The following LHX5 variants were observed in gnomAD, a reference collection of about 807,000 sequenced individuals.
LHX5 encodes LIM/homeobox protein Lhx5.
LHX5 carries 5 observed loss-of-function variants against 30.6 expected under a neutral mutation model. The observed-to-expected ratio is 0.16, with a 90% confidence interval of 0.09 to 0.34. LHX5 has a LOEUF of 0.34. Ranked by LOEUF, LHX5 falls within the 10% of genes least tolerant of loss-of-function variation. The pLI is 1.00. For missense variants in LHX5, 458 were observed against 570.6 expected (o/e 0.80, Z 2.01); for synonymous variants, 266 against 252.6 (o/e 1.05, Z -0.50).
rs1194507520 is a variant in LHX5, at chr12:113,463,433, C to T, written c.966G>A (p.Pro322=). The change falls in exon 5 of 5, where the codon CCG becomes CCA. Residue 322 remains proline, a synonymous_variant. Coordinates refer to ENST00000261731, the MANE Select transcript of LHX5 (RefSeq NM_022363.3). The surrounding 1 kb of genome is among the most constrained non-coding windows in gnomAD (Gnocchi z 6.7). ...CGAGCGGCGGTTCCAGCGCTCCCAGCGGCGTCGAGCCGGGGCCAGAGGCCG... is the reference window on the plus strand; with the variant it reads ...CGAGCGGCGGTTCCAGCGCTCCCAGTGGCGTCGAGCCGGGGCCAGAGGCCG... ...FLAASGPGST[P]LGALEPPLAG... The T allele has an allele frequency of 1.3e-6, 2 of 1,553,230 alleles. No individual in the cohort carries two copies. The highest frequency in any genetic ancestry group is 2.7e-5 in the African/African-American group (2 of 73,180).
chr12:113,463,241 G>A lies in LHX5; in HGVS notation c.1158C>T (p.Ser386=), dbSNP rs2136975398. 2 of 1,526,500 alleles carry A rather than the reference G, an allele frequency of 1.3e-6. No homozygotes were observed. The highest frequency in any genetic ancestry group is 1.4e-5 in the African/African-American group (1 of 70,326). The allele number at this position is 1,526,500 out of a possible 1,614,324, so 94.6% of individuals were successfully genotyped here. Residue 386 remains serine (S), a synonymous_variant, in exon 5 of 5, where the codon AGC becomes AGT. Coordinates refer to ENST00000261731, the MANE Select transcript of LHX5 (RefSeq NM_022363.3). The surrounding 1 kb of genome is among the most constrained non-coding windows in gnomAD (Gnocchi z 6.7). ...CGGGGTTGGGATGCGACAGGGGTCC[G>A]CTGTAGCCGCTGGTGCCGCTCATTG... ...PFPMSGTSGY[S]GPLSHPNPEL...
chr12:113,463,243 T>G lies in LHX5; in HGVS notation c.1156A>C (p.Ser386Arg). 6.6e-7 allele frequency: 1 copy of G among 1,526,264 alleles called. No individual in the cohort carries two copies. The highest frequency in any genetic ancestry group is 1.4e-5 in the African/African-American group (1 of 70,010). 94.5% of individuals were successfully genotyped at this position (1,526,264 alleles called of 1,614,324 possible). A position where few individuals can be genotyped will look rare whatever the true frequency, so the allele number is the denominator to read the frequency against. ...GGGTTGGGATGCGACAGGGGTCCGC[T>G]GTAGCCGCTGGTGCCGCTCATTGGG... ...PFPMSGTSGYSGPLSHPNPEL... is the reference protein window; with the variant it reads ...PFPMSGTSGYRGPLSHPNPEL... Residue 386 changes from serine to arginine, a missense_variant, in exon 5 of 5, where the codon AGC becomes CGC. Ser to Arg is a moderately radical substitution (Grantham distance 110). Transcript: ENST00000261731. The surrounding 1 kb of genome is among the most constrained non-coding windows in gnomAD (Gnocchi z 6.7).
rs1958183941 is a variant in LHX5, at chr12:113,462,946, C to T, written c.*244G>A. On this transcript the variant is annotated 3_prime_UTR_variant, in exon 5 of 5. Coordinates refer to ENST00000261731, the MANE Select transcript of LHX5 (RefSeq NM_022363.3). ...TTGACTTTGGTCCCAAGAAATTGCTCGCGGTTGCTGGGAGAGTACTGGCGG... is the reference window on the plus strand; with the variant it reads ...TTGACTTTGGTCCCAAGAAATTGCTTGCGGTTGCTGGGAGAGTACTGGCGG... 6.9e-6 allele frequency: 3 copies of T among 436,356 alleles called. No homozygotes were observed. The South Asian group carries it at 9.3e-5, about 14-fold the overall frequency. 27.0% of individuals were successfully genotyped at this position (436,356 alleles called of 1,614,324 possible).
chr12:113,468,794 T>C (rs1242445605), intron 2 of LHX5, among the ~76,000 whole-genome samples: 1 of 152,148 alleles, frequency 6.6e-6, no homozygotes, highest in Non-Finnish European at 1.5e-5. Flanking sequence ...GTCCTTCCAG[T>C]GCATCAAGAA....
At position 113,471,609 on chromosome 12, in the gene LHX5, C is replaced by A. The variant is rs765114312; in HGVS notation, c.-111G>T. On this transcript the variant is annotated 5_prime_UTR_variant, in exon 1 of 5. Transcript: ENST00000261731. ...GCCTCTTGTCTCAGCAGCTGCAGGGCGAGTCTGGTCCGGACCAAGACTCAG... is the reference window on the plus strand; with the variant it reads ...GCCTCTTGTCTCAGCAGCTGCAGGGAGAGTCTGGTCCGGACCAAGACTCAG... 1.0e-5 allele frequency: 11 copies of A among 1,070,656 alleles called. 1 individual carries two copies. Among genetic ancestry groups the A allele is most frequent in the South Asian group, 4.8e-5 (3 of 62,188 alleles). The allele number at this position is 1,070,656 out of a possible 1,614,324, so 66.3% of individuals were successfully genotyped here.
chr12:113,463,300 C>T lies in LHX5; in HGVS notation c.1099G>A (p.Glu367Lys), dbSNP rs774069560. Residue 367 changes from glutamate to lysine, a missense_variant, in exon 5 of 5, where the codon GAG becomes AAG. By Grantham distance (56) the Glu-to-Lys change is moderately conservative. Transcript: ENST00000261731. This position sits in a 1 kb window ranked among gnomAD's most constrained non-coding sequence, Gnocchi z 6.7. ...LPGTLHPMPG[E>K]VFSGGPSPPF... ...GGGCTGGGCCCGCCGCTGAATACCTCGCCGGGCATGGGGTGCAGCGTGCCC... is the reference window on the plus strand; with the variant it reads ...GGGCTGGGCCCGCCGCTGAATACCTTGCCGGGCATGGGGTGCAGCGTGCCC... The T allele has an allele frequency of 1.9e-5, 29 of 1,529,830 alleles. No homozygotes were observed. In the East Asian group the frequency reaches 7.0e-4, roughly 37 times the overall value. 94.8% of individuals were successfully genotyped at this position (1,529,830 alleles called of 1,614,324 possible). A position where few individuals can be genotyped will look rare whatever the true frequency, so the allele number is the denominator to read the frequency against.
At position 113,469,188 on chromosome 12, in the gene LHX5, T is replaced by C. The variant is rs754603002; in HGVS notation, c.331A>G (p.Asn111Asp). The C allele has an allele frequency of 2.5e-6, 4 of 1,614,238 alleles. No homozygotes were observed. Among genetic ancestry groups the C allele is most frequent in the Non-Finnish European group, 3.4e-6 (4 of 1,180,040 alleles). Reference protein sequence around the residue: ...TGEELYVIDENKFVCKDDYLS... With the variant: ...TGEELYVIDEDKFVCKDDYLS... ...TAGTCGTCTTTGCACACGAACTTGT[T>C]CTCGTCGATGACGTAGAGCTCCTCG... is the stretch of plus-strand genomic sequence containing the variant. The change falls in exon 2 of 5, where the codon AAC (asparagine) becomes GAC (aspartate). Residue 111 changes from asparagine to aspartate, a missense_variant. By Grantham distance (23) the Asn-to-Asp change is conservative. Transcript: ENST00000261731.
intron 1 of LHX5, 49 bp from the exon 2 acceptor site, chr12:113,469,394 C>G: frequency 6.4e-7 from 1 of 1,552,662 alleles, no homozygotes; most frequent in Non-Finnish European, 8.7e-7. Flanking sequence ...GCATCCAGCC[C>G]TCCCCAGCCC....
In LHX5 at chr12:113,466,724, C is replaced by T. The variant is rs568870686; in HGVS notation, c.841+532G>A. 7.9e-5 allele frequency among the ~76,000 whole-genome samples: 12 copies of T among 152,326 alleles called. No homozygotes were observed. The East Asian group carries it at 1.5e-3, about 20-fold the overall frequency. ...GGCGGCTTGGAATGAATCCAGACCC[C>T]CATCCCCTCCCCTCACACTACCCTC... On this transcript the variant is annotated intron_variant, in intron 4 of 4. Coordinates refer to ENST00000261731, the MANE Select transcript of LHX5 (RefSeq NM_022363.3). This position sits in a 1 kb window ranked among gnomAD's most constrained non-coding sequence, Gnocchi z 6.5.
rs1593329943 is a variant in LHX5, at chr12:113,471,839, A to C, written c.-341T>G. ...GGCGGAGGCGCCGGCACTTTCCCCC[A>C]CTTTCAAGCGGTCCGGATCCTCATC... On this transcript the variant is annotated 5_prime_UTR_variant, in exon 1 of 5. Transcript: ENST00000261731. The C allele has an allele frequency of 3.3e-6, 1 of 307,626 alleles. No individual in the cohort carries two copies. The highest frequency in any genetic ancestry group is 5.9e-6 in the Non-Finnish European group (1 of 168,214). The allele number at this position is 307,626 out of a possible 1,614,324, so 19.1% of individuals were successfully genotyped here. A position where few individuals can be genotyped will look rare whatever the true frequency, so the allele number is the denominator to read the frequency against.
intron 2 of LHX5, 69 bp downstream of exon 2, chr12:113,469,053 G>C: frequency 8.3e-7 from 1 of 1,200,032 alleles, no homozygotes; most frequent in South Asian, 1.5e-5. Context: ...GGCCAAGTAG[G>C]GAGTGCCAGG....
At position 113,463,546 on chromosome 12, in the gene LHX5, C is replaced by T; in HGVS notation, c.853G>A (p.Asp285Asn). The T allele has an allele frequency of 6.5e-7, 1 of 1,548,112 alleles. No individual in the cohort carries two copies. The change falls in exon 5 of 5, where the codon GAC becomes AAC. Residue 285 changes from aspartate (D) to asparagine (N), a missense_variant. Around this residue, in one of 3 missense-constraint regions of LHX5, gnomAD observed 255 missense variants for 246.8 expected, o/e 1.03. Coordinates refer to ENST00000261731, the MANE Select transcript of LHX5 (RefSeq NM_022363.3). The surrounding 1 kb of genome is among the most constrained non-coding windows in gnomAD (Gnocchi z 6.7). ...PYTYYGDYQG[D>N]YYAPGSNYDF... is the part of the protein sequence containing the mutation. Reference sequence around the variant, plus strand: ...TAGTTGCTTCCCGGCGCGTAGTAGTCGCCTTGGTAGTCTGCGGAGGGGGAG... The same window carrying T: ...TAGTTGCTTCCCGGCGCGTAGTAGTTGCCTTGGTAGTCTGCGGAGGGGGAG...
Position 113,464,522 on chromosome 12 carries a change from G to C in LHX5, c.842-965C>G, listed in dbSNP as rs1051874998. 7.2e-5 allele frequency among the ~76,000 whole-genome samples: 11 copies of C among 152,320 alleles called. No homozygotes were observed. The highest frequency in any genetic ancestry group is 2.6e-4 in the African/African-American group (11 of 41,574). On this transcript the variant is annotated intron_variant, in intron 4 of 4. Transcript: ENST00000261731. The surrounding 1 kb of genome is among the most constrained non-coding windows in gnomAD (Gnocchi z 6.2). ...ACGGCCGCCGCGTCGATCCCGGTGA[G>C]ACCATTTGTACCGGCCTAGCCTAGC...
At position 113,469,212 on chromosome 12, in the gene LHX5, C is replaced by T. The variant is rs746368764; in HGVS notation, c.307G>A (p.Glu103Lys). 1 of 1,614,252 alleles carries T rather than the reference C, an allele frequency of 6.2e-7. No individual in the cohort carries two copies. Among genetic ancestry groups the T allele is most frequent in the Non-Finnish European group, 8.5e-7 (1 of 1,180,044 alleles). ...TTCTCGTCGATGACGTAGAGCTCCT[C>T]GCCGGTGGACAGCTGCTTGTTACAC... ...MVCNKQLSTG[E>K]ELYVIDENKF... The change falls in exon 2 of 5, where the codon GAG becomes AAG. Residue 103 changes from glutamate (E) to lysine (K), a missense_variant. Coordinates refer to ENST00000261731, the MANE Select transcript of LHX5 (RefSeq NM_022363.3).
chr12:113,468,851 A>C (rs1156974126), intron 2 of LHX5, among the ~76,000 whole-genome samples: 1 of 152,206 alleles, frequency 6.6e-6, no homozygotes, highest in Non-Finnish European at 1.5e-5. Context: ...GTGCGCTTCC[A>C]AATTAGGGGA....
rs981267554 is a variant in LHX5, at chr12:113,465,661, C to T, written c.841+1595G>A. On this transcript the variant is annotated intron_variant, in intron 4 of 4. Transcript: ENST00000261731. This position sits in a 1 kb window ranked among gnomAD's most constrained non-coding sequence, Gnocchi z 6.7. ...GAGGAGGCGGTGGGATAGGTCGGGG[C>T]GGGGGCGAAGTGGTCCTCGGGGAAA... Among the ~76,000 whole-genome samples the T allele has an allele frequency of 6.6e-6, 1 of 152,152 alleles. No homozygotes were observed. Among genetic ancestry groups the T allele is most frequent in the African/African-American group, 2.4e-5 (1 of 41,452 alleles).
Position 113,464,438 on chromosome 12 carries a change from G to A in LHX5, c.842-881C>T, listed in dbSNP as rs1029066823. Among the ~76,000 whole-genome samples, 1 of 152,332 alleles carries A rather than the reference G, an allele frequency of 6.6e-6. No individual in the cohort carries two copies. Among genetic ancestry groups the A allele is most frequent in the South Asian group, 2.1e-4 (1 of 4,830 alleles). On this transcript the variant is annotated intron_variant, in intron 4 of 4. Coordinates refer to ENST00000261731, the MANE Select transcript of LHX5 (RefSeq NM_022363.3). The surrounding 1 kb of genome is among the most constrained non-coding windows in gnomAD (Gnocchi z 6.2). Reference sequence around the variant, plus strand: ...TTGGGCCGGGCGGGGCGGCCTTGGCGCCCTAAACTCGGTCCCTGCGCCCTA... The same window carrying A: ...TTGGGCCGGGCGGGGCGGCCTTGGCACCCTAAACTCGGTCCCTGCGCCCTA...
In LHX5 at chr12:113,464,137, G is replaced by A. The variant is rs528280140; in HGVS notation, c.842-580C>T. ...AGACGCAGAGAGAGGAAAGACGGCCGCGGTTAGAGACACGCGTGGAAACCC... is the reference window on the plus strand; with the variant it reads ...AGACGCAGAGAGAGGAAAGACGGCCACGGTTAGAGACACGCGTGGAAACCC... On this transcript the variant is annotated intron_variant, in intron 4 of 4. Transcript: ENST00000261731. The surrounding 1 kb of genome is among the most constrained non-coding windows in gnomAD (Gnocchi z 6.2). 3.6e-4 allele frequency among the ~76,000 whole-genome samples: 55 copies of A among 152,212 alleles called. No homozygotes were observed. Among genetic ancestry groups the A allele is most frequent in the Non-Finnish European group, 6.9e-4 (47 of 68,030 alleles).
rs1260030826 is a variant in LHX5, at chr12:113,467,433, G to A, written c.676-12C>T. ...TTCTGAAACCACACCTGGGACAGAG[G>A]AGGGGGCTGTGAACCCAGGATCAGG... is the stretch of plus-strand genomic sequence containing the variant. On this transcript the variant is annotated splice_polypyrimidine_tract_variant and intron_variant, in intron 3 of 4. Coordinates refer to ENST00000261731, the MANE Select transcript of LHX5 (RefSeq NM_022363.3). This position sits in a 1 kb window ranked among gnomAD's most constrained non-coding sequence, Gnocchi z 6.3. The A allele has an allele frequency of 1.3e-6, 2 of 1,513,970 alleles. No homozygotes were observed. Among genetic ancestry groups the A allele is most frequent in the African/African-American group, 2.8e-5 (2 of 71,750 alleles). 93.8% of individuals were successfully genotyped at this position (1,513,970 alleles called of 1,614,324 possible).
Sources: gnomAD v4.1 joint callset for allele counts (sites outside exome capture counted in the v4.1 genomes callset) on GRCh38, gnomAD v4.1.1 for gene constraint, gnomAD v4.1.1 regional missense constraint, Gnocchi (gnomAD v3.1) non-coding constraint, MANE v1.5 for transcripts, NCBI Gene and HGNC (gene_info 2026-07-23, HGNC 2026-07-21) for gene names.